SEC14L1: variants seen among roughly 807,000 people sequenced by gnomAD.
SEC14L1 encodes the protein SEC14 like lipid binding 1, also known as SEC14-like protein 1.
In SEC14L1, 48 loss-of-function variants were observed where a neutral mutation model predicts 85.3. The ratio of observed to expected loss-of-function variants is 0.56; its 90% CI spans 0.45 to 0.72. The LOEUF is 0.72. Among genes scored for constraint, SEC14L1 ranks in the 30% least tolerant of loss-of-function variants. SEC14L1 has a pLI of 0.00. For synonymous variants in SEC14L1, 391 were observed against 355.5 expected (o/e 1.10, Z -1.12); for missense variants, 682 against 921.4 (o/e 0.74, Z 3.36).
intron 3 of SEC14L1, among the ~76,000 whole-genome samples, chr17:77,186,223 A>G (rs975254439): frequency 6.6e-6 from 1 of 152,110 alleles, no homozygotes; most frequent in Admixed American, 6.5e-5. Context: ...CCACATCGTC[A>G]TGCACCACAG....
intron 7 of SEC14L1, among the ~76,000 whole-genome samples, chr17:77,195,304 G>T (rs1254790): frequency 0.66 from 98,073 of 148,504 alleles, 32,502 homozygotes; most frequent in African/African-American, 0.74. Context: ...CCTAAGGAAG[G>T]TGTTTTTTTT....
At position 77,214,574 on chromosome 17, in the gene SEC14L1, G is replaced by A. The variant is rs899715064; in HGVS notation, c.*551G>A. ...TCCTCTGAGGATTCAGAGGTTGCCT[G>A]CGGAGTACCTTGTCCCAGGGCCAGA... is the stretch of plus-strand genomic sequence containing the variant. On this transcript the variant is annotated 3_prime_UTR_variant, in exon 17 of 17. Transcript: ENST00000436233. 4 of 988,854 alleles carry A rather than the reference G, an allele frequency of 4.0e-6. No individual in the cohort carries two copies. In the East Asian group the frequency reaches 4.5e-4, roughly 112 times the overall value. 61.3% of individuals were successfully genotyped at this position (988,854 alleles called of 1,614,324 possible).
chr17:77,117,616 A>G (rs1482842024), intron 3 of SEC14L1, among the ~76,000 whole-genome samples: 3 of 152,144 alleles, frequency 2.0e-5, no homozygotes, highest in Admixed American at 2.0e-4. Flanking sequence ...CCTGTCACCA[A>G]TGAATTGCTC....
Position 77,212,205 on chromosome 17 carries a change from A to G in SEC14L1, c.1863+4A>G. The G allele has an allele frequency of 6.2e-7, 1 of 1,613,102 alleles. No individual in the cohort carries two copies. The highest frequency in any genetic ancestry group is 1.3e-5 in the African/African-American group (1 of 75,032). ...CAAAGAAGGAGAAAGCGTGCAGGTA[A>G]AATCACACACAGGTCAAATCGCGCA... On this transcript the variant is annotated splice_donor_region_variant and intron_variant, in intron 15 of 16. Transcript: ENST00000436233.
At chr17:77,209,733 C>G (rs1976653769) in intron 14 of SEC14L1, 1 of 353,110 alleles carries the variant, frequency 2.8e-6, no homozygotes, top group Non-Finnish European at 5.1e-6. Context: ...CTCCATTTTA[C>G]TAAAGCCACC....
chr17:77,190,115 C>A (rs1010299405), intron 3 of SEC14L1, among the ~76,000 whole-genome samples: 1 of 151,830 alleles, frequency 6.6e-6, no homozygotes, highest in Non-Finnish European at 1.5e-5. Context: ...AGTCGCTGAT[C>A]TTTGAGTTAA....
intron 3 of SEC14L1, among the ~76,000 whole-genome samples, chr17:77,133,945 A>G (rs1216987932): frequency 6.6e-6 from 1 of 151,308 alleles, no homozygotes; most frequent in Non-Finnish European, 1.5e-5. Flanking sequence ...TCTCAAAAAA[A>G]AAAAAAAAAA....
intron 3 of SEC14L1, among the ~76,000 whole-genome samples, chr17:77,178,725 C>G (rs761766277): frequency 6.6e-5 from 10 of 152,192 alleles, no homozygotes; most frequent in African/African-American, 9.7e-5. Flanking sequence ...CAATAGGGCT[C>G]TCACTCCTGT....
intron 7 of SEC14L1, among the ~76,000 whole-genome samples, chr17:77,195,694 G>T (rs1738532067): frequency 6.6e-6 from 1 of 151,690 alleles, no homozygotes; most frequent in South Asian, 2.1e-4. Context: ...CACCATGTTG[G>T]CCAGGCTTGT....
At chr17:77,176,586 TGTTTGTTC>T (rs1974768435) in intron 3 of SEC14L1, among the ~76,000 whole-genome samples, 2 of 152,342 alleles carry the variant, frequency 1.3e-5, no homozygotes, top group South Asian at 4.1e-4. Context: ...TATGGTTTTT[TGTTTGTTC>T]GTTTGTTTTT....
chr17:77,206,634 C>G lies in SEC14L1; in HGVS notation c.1342-94C>G. Reference sequence around the variant, plus strand: ...AGTATATAAACTTGAATGTCTTCCCCCCACCCTCCCACTCAGAATACCACA... The same window carrying G: ...AGTATATAAACTTGAATGTCTTCCCGCCACCCTCCCACTCAGAATACCACA... On this transcript the variant is annotated intron_variant, in intron 12 of 16. Transcript: ENST00000436233. This position sits in a 1 kb window ranked among gnomAD's most constrained non-coding sequence, Gnocchi z 4.3. The G allele has an allele frequency of 2.8e-6, 4 of 1,440,346 alleles. No individual in the cohort carries two copies. The highest frequency in any genetic ancestry group is 3.8e-6 in the Non-Finnish European group (4 of 1,056,166). 89.2% of individuals were successfully genotyped at this position (1,440,346 alleles called of 1,614,324 possible). A position where few individuals can be genotyped will look rare whatever the true frequency, so the allele number is the denominator to read the frequency against.
intron 3 of SEC14L1, among the ~76,000 whole-genome samples, chr17:77,173,551 T>A (rs1293539880): frequency 6.6e-6 from 1 of 152,152 alleles, no homozygotes; most frequent in Non-Finnish European, 1.5e-5. Context: ...GCCCCTGCCG[T>A]CAGCACAGGG....
chr17:77,116,861 C>T (rs1218163872), intron 3 of SEC14L1, among the ~76,000 whole-genome samples: 3 of 152,176 alleles, frequency 2.0e-5, no homozygotes, highest in African/African-American at 7.2e-5. Flanking sequence ...CCTGTCTCAT[C>T]CACCACTGCA....
In SEC14L1 at chr17:77,206,223, C is replaced by T; in HGVS notation, c.1170-6C>T. 6.2e-7 allele frequency: 1 copy of T among 1,613,406 alleles called. No homozygotes were observed. The highest frequency in any genetic ancestry group is 1.3e-5 in the African/African-American group (1 of 75,042). ...TGAATGAAACACATCTCTGCACAAC[C>T]TGCAGCTCATGGACCTGCCTGGTGG... is the stretch of plus-strand genomic sequence containing the variant. On this transcript the variant is annotated splice_polypyrimidine_tract_variant and splice_region_variant and intron_variant, in intron 11 of 16. Transcript: ENST00000436233. The surrounding 1 kb of genome is among the most constrained non-coding windows in gnomAD (Gnocchi z 4.3).
Position 77,206,643 on chromosome 17 carries a change from C to T in SEC14L1, c.1342-85C>T. ...ACTTGAATGTCTTCCCCCCACCCTC[C>T]CACTCAGAATACCACATTGTCATTT... On this transcript the variant is annotated intron_variant, in intron 12 of 16. Coordinates refer to ENST00000436233, the MANE Select transcript of SEC14L1 (RefSeq NM_001143998.2). The surrounding 1 kb of genome is among the most constrained non-coding windows in gnomAD (Gnocchi z 4.3). 6.8e-7 allele frequency: 1 copy of T among 1,480,046 alleles called. No homozygotes were observed. The highest frequency in any genetic ancestry group is 9.2e-7 in the Non-Finnish European group (1 of 1,090,076). The allele number at this position is 1,480,046 out of a possible 1,614,324, so 91.7% of individuals were successfully genotyped here.
chr17:77,124,139 G>A (rs1290864942), intron 3 of SEC14L1, among the ~76,000 whole-genome samples: 1 of 152,094 alleles, frequency 6.6e-6, no homozygotes, highest in African/African-American at 2.4e-5. Context: ...CAAGGCAGGT[G>A]GATCACTTGA....
chr17:77,213,774 A>T lies in SEC14L1; in HGVS notation c.2043-144A>T. The T allele has an allele frequency of 9.0e-7, 1 of 1,110,458 alleles. No homozygotes were observed. Among genetic ancestry groups the T allele is most frequent in the Non-Finnish European group, 1.3e-6 (1 of 745,422 alleles). The allele number at this position is 1,110,458 out of a possible 1,614,324, so 68.8% of individuals were successfully genotyped here. On this transcript the variant is annotated intron_variant, in intron 16 of 16. Transcript: ENST00000436233. This position sits in a 1 kb window ranked among gnomAD's most constrained non-coding sequence, Gnocchi z 7.1. ...AGCCGGTCCCCCTGGTGGGTTACTC[A>T]TGTCCATCCCCCGTTTGCAAGCACT...
chr17:77,089,180 C>G (rs1235688072), exon 2 of SEC14L1: 1 of 333,438 alleles, frequency 3.0e-6, no homozygotes, highest in Non-Finnish European at 5.9e-6. Context: ...GAAATATCCC[C>G]CGACGATTGG....
intron 13 of SEC14L1, 81 bp from the exon 14 acceptor site, chr17:77,209,261 G>C (rs1479364513): frequency 3.2e-6 from 5 of 1,540,110 alleles, no homozygotes; most frequent in African/African-American, 1.4e-5. Context: ...AGTGCAGGGG[G>C]ATAGTGCTGG....
Sources: gnomAD v4.1 joint callset for allele counts (sites outside exome capture counted in the v4.1 genomes callset) on GRCh38, gnomAD v4.1.1 for gene constraint, Gnocchi (gnomAD v3.1) non-coding constraint, MANE v1.5 for transcripts, NCBI Gene and HGNC (gene_info 2026-07-23, HGNC 2026-07-21) for gene names.